SMYD3: variants seen among roughly 807,000 people sequenced by gnomAD.
The protein encoded by SMYD3 is histone-lysine N-methyltransferase SMYD3.
Under a neutral mutation model 57.7 loss-of-function variants are expected in SMYD3, and 36 were observed. That is an observed-to-expected ratio of 0.62 (90% CI 0.48 to 0.82). SMYD3 has a LOEUF of 0.82. Ranked by LOEUF, SMYD3 falls within the 40% of genes least tolerant of loss-of-function variation. The pLI is 0.00. For missense variants in SMYD3, 515 were observed against 538.8 expected (o/e 0.96, Z 0.44); for synonymous variants, 211 against 195.0 (o/e 1.08, Z -0.68).
At chr1:246,330,320 T>A (rs2065438306) in intron 4 of SMYD3, among the ~76,000 whole-genome samples, 160 bp downstream of exon 4, 1 of 152,168 alleles carries the variant, frequency 6.6e-6, no homozygotes, top group African/African-American at 2.4e-5. Context: ...CTGGAATAAG[T>A]GAAATAAACC....
At chr1:245,826,841 T>A (rs1246476485) in intron 10 of SMYD3, among the ~76,000 whole-genome samples, 1 of 67,988 alleles carries the variant, frequency 1.5e-5, no homozygotes, top group African/African-American at 3.6e-5. Context: ...TACAAAACCA[T>A]CAGATCTCAA....
chr1:246,187,287 CAA>C (rs201777727), intron 5 of SMYD3, among the ~76,000 whole-genome samples: 17 of 110,442 alleles, frequency 1.5e-4, no homozygotes, highest in Non-Finnish European at 1.4e-4. Flanking sequence ...GACTCTGTCT[CAA>C]AAAAAAAAAA....
rs767302563 is a variant in SMYD3, at chr1:246,327,031, A to G, written c.531+170T>C. 14 of 733,660 alleles carry G rather than the reference A, an allele frequency of 1.9e-5. No homozygotes were observed. The East Asian group carries it at 3.8e-4, about 20-fold the overall frequency. The allele number at this position is 733,660 out of a possible 1,614,324, so 45.4% of individuals were successfully genotyped here. On this transcript the variant is annotated intron_variant, in intron 5 of 11. Transcript: ENST00000490107. Reference sequence around the variant, plus strand: ...AACAGAAAAATTCATACCCTTCTCAATGCACACAATACATTCTCTCATGCT... The same window carrying G: ...AACAGAAAAATTCATACCCTTCTCAGTGCACACAATACATTCTCTCATGCT...
chr1:246,188,471 C>T (rs1050780519), intron 5 of SMYD3, among the ~76,000 whole-genome samples: 1 of 152,132 alleles, frequency 6.6e-6, no homozygotes. Flanking sequence ...TAAGTGTACA[C>T]TTCAATGGCA....
intron 10 of SMYD3, among the ~76,000 whole-genome samples, chr1:245,798,407 T>TACACACACACACACATACACACAGAAAC (rs1402299710): frequency 6.1e-5 from 1 of 16,302 alleles, no homozygotes; most frequent in African/African-American, 2.1e-4. Context: ...CACACACACA[T>TACACACACACACACATACACACAGAAAC]ACACACACAT....
chr1:246,063,075 T>C (rs1052696302), intron 5 of SMYD3, among the ~76,000 whole-genome samples: 5 of 152,146 alleles, frequency 3.3e-5, no homozygotes, highest in African/African-American at 1.2e-4. Flanking sequence ...GTTTCAGTTA[T>C]CTACTAGGCA....
At chr1:246,073,293 T>C (rs2060489057) in intron 5 of SMYD3, among the ~76,000 whole-genome samples, 1 of 152,252 alleles carries the variant, frequency 6.6e-6, no homozygotes. Context: ...TTCAGTCATG[T>C]ATTTATATGT....
chr1:246,010,694 GCAAACTCATC>G (rs1483518739), intron 5 of SMYD3, among the ~76,000 whole-genome samples: 1 of 152,156 alleles, frequency 6.6e-6, no homozygotes, highest in African/African-American at 2.4e-5. Flanking sequence ...GGATTAAAAG[GCAAACTCATC>G]CAATCTTAAG....
chr1:245,861,657 G>A (rs2051554939), intron 9 of SMYD3, among the ~76,000 whole-genome samples: 1 of 152,148 alleles, frequency 6.6e-6, no homozygotes, highest in African/African-American at 2.4e-5. Flanking sequence ...GTCATTCCTT[G>A]TGTTGGATGC....
At chr1:246,414,650 A>T (rs1558453551) in intron 1 of SMYD3, among the ~76,000 whole-genome samples, 2 of 152,112 alleles carry the variant, frequency 1.3e-5, no homozygotes, top group Non-Finnish European at 2.9e-5. Context: ...CATATGTAAA[A>T]ATAAATGTAC....
At chr1:246,147,969 C>T (rs2061879648) in intron 5 of SMYD3, among the ~76,000 whole-genome samples, 1 of 152,152 alleles carries the variant, frequency 6.6e-6, no homozygotes, top group East Asian at 1.9e-4. Flanking sequence ...AGCCCCTCTC[C>T]TCTCCAGATG....
intron 5 of SMYD3, among the ~76,000 whole-genome samples, chr1:246,169,193 A>G (rs1442503842): frequency 6.6e-6 from 1 of 152,094 alleles, no homozygotes; most frequent in Non-Finnish European, 1.5e-5. Flanking sequence ...GGCAGTCTGC[A>G]AAAGACAGAT....
intron 5 of SMYD3, among the ~76,000 whole-genome samples, chr1:246,164,585 G>A (rs1338547684): frequency 3.9e-5 from 6 of 152,154 alleles, no homozygotes; most frequent in African/African-American, 2.4e-5. Context: ...ATGGACGGGG[G>A]CATGTGAGTA....
intron 1 of SMYD3, among the ~76,000 whole-genome samples, chr1:246,420,196 CA>C (rs58293193): frequency 0.078 from 8,758 of 112,290 alleles, 254 homozygotes; most frequent in Middle Eastern, 0.24. Flanking sequence ...AAGACTGTCT[CA>C]AAAAAAAAAA....
At chr1:246,274,275 T>C (rs1464562748) in intron 5 of SMYD3, among the ~76,000 whole-genome samples, 1 of 152,244 alleles carries the variant, frequency 6.6e-6, no homozygotes, top group Non-Finnish European at 1.5e-5. Flanking sequence ...TAATGGTTAA[T>C]TACTTCCATA....
intron 5 of SMYD3, among the ~76,000 whole-genome samples, chr1:246,236,717 G>T (rs2148464634): frequency 6.6e-6 from 1 of 152,194 alleles, no homozygotes; most frequent in East Asian, 1.9e-4. Context: ...TCCCTATGTT[G>T]CCCAGGCTTG....
At position 246,174,604 on chromosome 1, in the gene SMYD3, G is replaced by A. The variant is rs1350454819; in HGVS notation, c.531+152597C>T. Among the ~76,000 whole-genome samples, 7 of 152,066 alleles carry A rather than the reference G, an allele frequency of 4.6e-5. No homozygotes were observed. The South Asian group carries it at 1.0e-3, about 23-fold the overall frequency. On this transcript the variant is annotated intron_variant, in intron 5 of 11. Transcript: ENST00000490107. ...TGGGACTACAGGCACATGCCACCACGCCTGACTAATTTTTGTATTTTTAGT... is the reference window on the plus strand; with the variant it reads ...TGGGACTACAGGCACATGCCACCACACCTGACTAATTTTTGTATTTTTAGT...
intron 10 of SMYD3, among the ~76,000 whole-genome samples, chr1:245,828,073 A>G (rs1397370826): frequency 6.6e-6 from 1 of 152,218 alleles, no homozygotes; most frequent in Non-Finnish European, 1.5e-5. Context: ...ATGAAAAGGA[A>G]TACTGAACAG....
chr1:246,224,990 G>A (rs2063307101), intron 5 of SMYD3, among the ~76,000 whole-genome samples: 1 of 152,022 alleles, frequency 6.6e-6, no homozygotes. Flanking sequence ...GATGAAACCA[G>A]TAGATGGCTG....
Sources: gnomAD v4.1 joint callset for allele counts (sites outside exome capture counted in the v4.1 genomes callset) on GRCh38, gnomAD v4.1.1 for gene constraint, MANE v1.5 for transcripts, NCBI Gene and HGNC (gene_info 2026-07-23, HGNC 2026-07-21) for gene names.